Variants in SELP observed in about 807,000 individuals in gnomAD.
SELP encodes the protein P-selectin.
A neutral mutation model predicts 104.1 loss-of-function variants in SELP; 92 were observed. That is an observed-to-expected ratio of 0.88 (90% CI 0.75 to 1.05). The LOEUF (loss-of-function observed/expected upper bound fraction) is 1.05, where lower values mean the gene tolerates loss of function less well. SELP is among the 50% of genes least tolerant of loss of function. The probability of loss-of-function intolerance (pLI) is 0.00; values close to 1 mark genes in which losing one functional copy is unlikely to be tolerated. For missense variants in SELP, 1,022 were observed against 1,017.3 expected, an observed-to-expected ratio of 1.00 and a Z score of -0.06; for synonymous variants, 397 against 364.5, an observed-to-expected ratio of 1.09 and a Z score of -1.01.
rs369531205 is a variant in SELP at position 169,591,423 on chromosome 1, T to C, written c.2438+3A>G. ...ACTCAATCATAAAACATTTCTACCT[T>C]ACCTGTGAGGATTCAAGGGGCATTT... On this transcript the variant is annotated splice_donor_region_variant and intron_variant, in intron 15 of 16. Coordinates refer to ENST00000263686, the MANE Select transcript of SELP (RefSeq NM_003005.4). 1.1e-4 allele frequency: 166 copies of C among 1,580,200 alleles called. 1 individual carries two copies. The highest frequency in any genetic ancestry group is 8.4e-4 in the Middle Eastern group (5 of 5,968).
chr1:169,622,578 T>C (rs1411978607), intron 1 of SELP, among the ~76,000 whole-genome samples: 2 of 152,208 alleles, frequency 1.3e-5, no homozygotes, highest in Admixed American at 1.3e-4. Context: ...TTAATAGCAA[T>C]TTAAATATAA....
chr1:169,629,767 C>A (rs1459439524), intron 1 of SELP, among the ~76,000 whole-genome samples: 1 of 152,166 alleles, frequency 6.6e-6, no homozygotes, highest in Non-Finnish European at 1.5e-5. Context: ...GCTGCGGAGC[C>A]AGAGGACAGG....
Position 169,596,376 on chromosome 1 carries a change from T to A in SELP, c.1892-242A>T, listed in dbSNP as rs531642553. Among the ~76,000 whole-genome samples, 12 of 152,128 alleles carry A rather than the reference T, an allele frequency of 7.9e-5. No individual in the cohort carries two copies. In the South Asian group the frequency reaches 2.5e-3, roughly 32 times the overall value. On this transcript the variant is annotated intron_variant, in intron 11 of 16. Coordinates refer to ENST00000263686, the MANE Select transcript of SELP (RefSeq NM_003005.4). ...TGGCCAAGAGAAGAAATCAGAGGAGTCATTGTTGTTGCTATTTTAAAAAGA... is the reference window on the plus strand; with the variant it reads ...TGGCCAAGAGAAGAAATCAGAGGAGACATTGTTGTTGCTATTTTAAAAAGA...
In SELP at chr1:169,589,478, ATAGTT is replaced by A; in HGVS notation, c.*2-22_*2-18del. 6.6e-6 allele frequency: 1 copy of A among 152,448 alleles called. No individual in the cohort carries two copies. Among genetic ancestry groups the A allele is most frequent in the Admixed American group, 6.5e-5 (1 of 15,304 alleles). 9.4% of individuals were successfully genotyped at this position (152,448 alleles called of 1,614,324 possible). A position where few individuals can be genotyped will look rare whatever the true frequency, so the allele number is the denominator to read the frequency against. Reference sequence around the variant, plus strand: ...TATGGAAACCTGCAGCAAATGCATTATAGTTAAGTCCAGTGTAGCAGGAAACTTGA... The same window carrying A: ...TATGGAAACCTGCAGCAAATGCATTAAAGTCCAGTGTAGCAGGAAACTTGA... On this transcript the variant is annotated intron_variant, in intron 16 of 16. Transcript: ENST00000263686.
In SELP at chr1:169,609,498, C is replaced by A; in HGVS notation, c.1333+6G>T. The A allele has an allele frequency of 2.5e-6, 4 of 1,609,174 alleles. No homozygotes were observed. Among genetic ancestry groups the A allele is most frequent in the Non-Finnish European group, 3.4e-6 (4 of 1,177,310 alleles). Reference sequence around the variant, plus strand: ...ACACAGAAAAACATTACCACTGTTACAGTACCTTGACAGACTGGGGCTGGT... The same window carrying A: ...ACACAGAAAAACATTACCACTGTTAAAGTACCTTGACAGACTGGGGCTGGT... On this transcript the variant is annotated splice_donor_region_variant and intron_variant, in intron 8 of 16. Transcript: ENST00000263686.
chr1:169,603,154 G>T lies in SELP; in HGVS notation c.1577C>A (p.Pro526His), dbSNP rs1316898155. 1.2e-6 allele frequency: 2 copies of T among 1,614,104 alleles called. No individual in the cohort carries two copies. The highest frequency in any genetic ancestry group is 8.5e-7 in the Non-Finnish European group (1 of 1,179,988). ...PQNGTMTCVQ[P>H]LGSSSYKSTC... ...GGATTTATAACTGGAACTTCCAAGA[G>T]GTTGAACACAGGTCATTGTTCCATT... is the stretch of plus-strand genomic sequence containing the variant. Residue 526 changes from proline to histidine, a missense_variant, in exon 10 of 17, where the codon CCT becomes CAT. Transcript: ENST00000263686.
At chr1:169,615,279 A>C (rs1384992180) in intron 3 of SELP, among the ~76,000 whole-genome samples, 1 of 152,166 alleles carries the variant, frequency 6.6e-6, no homozygotes, top group Non-Finnish European at 1.5e-5. Flanking sequence ...CATCCTTTAC[A>C]TCTTAGATGG....
In SELP at chr1:169,609,003, A is replaced by G. The variant is rs557745732; in HGVS notation, c.1333+501T>C. 2.6e-5 allele frequency among the ~76,000 whole-genome samples: 4 copies of G among 152,302 alleles called. No individual in the cohort carries two copies. The East Asian group carries it at 5.8e-4, about 22-fold the overall frequency. ...ATTTATAAGGTAACATGTCATCATC[A>G]TCATTTTCCCTATAAATCCTATAAG... On this transcript the variant is annotated intron_variant, in intron 8 of 16. Transcript: ENST00000263686.
chr1:169,628,222 T>C (rs1663472034), intron 1 of SELP, among the ~76,000 whole-genome samples: 1 of 152,170 alleles, frequency 6.6e-6, no homozygotes. Flanking sequence ...TTGACAAACA[T>C]CAGTGCAATT....
At chr1:169,612,458 C>T (rs1214702867) in intron 5 of SELP, 56 bp from the exon 6 acceptor site, 7 of 1,556,854 alleles carry the variant, frequency 4.5e-6, no homozygotes, top group East Asian at 4.5e-5. Context: ...TGTCCATCAC[C>T]TTGGAAGCCT....
chr1:169,606,004 A>G (rs1375367406), intron 9 of SELP, among the ~76,000 whole-genome samples: 2 of 152,212 alleles, frequency 1.3e-5, no homozygotes, highest in African/African-American at 4.8e-5. Context: ...ATACTGACAG[A>G]GCACACTGGC....
intron 10 of SELP, among the ~76,000 whole-genome samples, chr1:169,602,761 A>C (rs984805942): frequency 2.6e-5 from 4 of 152,082 alleles, no homozygotes; most frequent in Non-Finnish European, 5.9e-5. Flanking sequence ...ACAGGCATGC[A>C]CCACCATGCC....
Position 169,613,621 on chromosome 1 carries a change from C to G in SELP, c.554G>C (p.Cys185Ser). 1 of 1,614,006 alleles carries G rather than the reference C, an allele frequency of 6.2e-7. No individual in the cohort carries two copies. Among genetic ancestry groups the G allele is most frequent in the Non-Finnish European group, 8.5e-7 (1 of 1,179,910 alleles). Residue 185 changes from cysteine to serine, a missense_variant, in exon 4 of 17, where the codon TGT becomes TCT. Transcript: ENST00000263686. ...TTCTGGCCCATAGAATCCAGGGTAA[C>G]AGGAGCAGGTGTAGTTCCCGATGGT... is the stretch of plus-strand genomic sequence containing the variant. ...LETIGNYTCSCYPGFYGPECE... is the reference protein window; with the variant it reads ...LETIGNYTCSSYPGFYGPECE...
chr1:169,621,411 C>T (rs1663128675), intron 1 of SELP, among the ~76,000 whole-genome samples: 2 of 123,620 alleles, frequency 1.6e-5, no homozygotes, highest in South Asian at 5.5e-4. Context: ...ATGTAGGGTG[C>T]ATGGGACAGT....
intron 9 of SELP, among the ~76,000 whole-genome samples, chr1:169,606,384 T>G (rs1340398790): frequency 6.6e-6 from 1 of 152,240 alleles, no homozygotes; most frequent in African/African-American, 2.4e-5. Context: ...ATTTCTTTCT[T>G]CTGAGAATCC....
chr1:169,594,986 G>T (rs1661532270), intron 12 of SELP, 109 bp from the exon 13 acceptor site: 4 of 955,190 alleles, frequency 4.2e-6, no homozygotes, highest in Non-Finnish European at 4.6e-6. Flanking sequence ...GAATGTAAAA[G>T]GTCAGAAAGG....
intron 12 of SELP, among the ~76,000 whole-genome samples, 183 bp from the exon 13 acceptor site, chr1:169,595,060 C>T (rs984320501): frequency 2.0e-5 from 3 of 152,126 alleles, no homozygotes; most frequent in Admixed American, 1.3e-4. Context: ...AATATTCTCT[C>T]GAAGGGTGAT....
rs6132 is a variant in SELP at position 169,597,070 on chromosome 1, G to A, written c.1812C>T (p.Asn604=). 205,589 of 1,607,026 alleles carry A rather than the reference G, an allele frequency of 0.13. 22,051 individuals carry two copies. The highest frequency in any genetic ancestry group is 0.56 in the African/African-American group (41,638 of 74,082). Residue 604 remains asparagine (N), a synonymous_variant, in exon 11 of 17, where the codon AAC becomes AAT. Transcript: ENST00000263686. Reference sequence around the variant, plus strand: ...TATTGGGCCCCTCCAGCTTAAAGCCGTTGTCACAAGAGAAATGGCAGGTGG... The same window carrying A: ...TATTGGGCCCCTCCAGCTTAAAGCCATTGTCACAAGAGAAATGGCAGGTGG... The part of the protein sequence containing the change: ...VGSTCHFSCD[N]GFKLEGPNNV...
intron 3 of SELP, among the ~76,000 whole-genome samples, chr1:169,615,627 G>A (rs1662771948): frequency 6.6e-6 from 1 of 152,128 alleles, no homozygotes; most frequent in Admixed American, 6.5e-5. Flanking sequence ...AGAGCTGACT[G>A]GGAGAGCAGT....
Sources: gnomAD v4.1 joint callset for allele counts (sites outside exome capture counted in the v4.1 genomes callset) on GRCh38, gnomAD v4.1.1 for gene constraint, MANE v1.5 for transcripts, NCBI Gene and HGNC (gene_info 2026-07-23, HGNC 2026-07-21) for gene names.